The following PPP6C variants were observed in gnomAD, a reference collection of about 807,000 sequenced individuals.
PPP6C encodes the protein protein phosphatase 6 catalytic subunit, also known as serine/threonine-protein phosphatase 6 catalytic subunit.
A neutral mutation model predicts 39.8 loss-of-function variants in PPP6C; 11 were observed. The observed-to-expected ratio is 0.28, with a 90% CI of 0.17 to 0.46. The LOEUF (loss-of-function observed/expected upper bound fraction) is 0.46. PPP6C is among the 20% of genes least tolerant of loss of function. The probability of loss-of-function intolerance (pLI) is 1.00; values close to 1 mark genes in which losing one functional copy is unlikely to be tolerated. For missense variants in PPP6C, 211 were observed against 373.9 expected, an observed-to-expected ratio of 0.56 and a Z score of 3.59; for synonymous variants, 129 against 130.3, an observed-to-expected ratio of 0.99 and a Z score of 0.07.
chr9:125,189,498 A>T (rs1275235610), intron 1 of PPP6C, 146 bp downstream of exon 1: 1 of 1,456,044 alleles, frequency 6.9e-7, no homozygotes, highest in Non-Finnish European at 9.1e-7. Context: ...CCTCGGCGTG[A>T]CGCCGGGTAG....
intron 2 of PPP6C, among the ~76,000 whole-genome samples, chr9:125,168,601 G>A (rs1040107352): frequency 1.3e-5 from 2 of 152,052 alleles, no homozygotes; most frequent in African/African-American, 4.8e-5. Flanking sequence ...TGGGATTACA[G>A]GCGCCTGTCA....
rs1292745425 is a variant in PPP6C, at chr9:125,189,430, C to T, written c.75+214G>A. The stretch of plus-strand genomic sequence containing the variant: ...GACCCTGGGACAGAGGCCGCGACAT[C>T]CCTCGGGATCCCCACTGAGGCAACC... On this transcript the variant is annotated intron_variant, in intron 1 of 6. Transcript: ENST00000373547. 3.8e-6 allele frequency: 5 copies of T among 1,315,486 alleles called. No individual in the cohort carries two copies. The East Asian group carries it at 1.4e-4, about 36-fold the overall frequency. The allele number at this position is 1,315,486 out of a possible 1,614,324, so 81.5% of individuals were successfully genotyped here.
chr9:125,179,655 C>CTTTTT (rs56221170), intron 1 of PPP6C, among the ~76,000 whole-genome samples: 2 of 132,440 alleles, frequency 1.5e-5, no homozygotes, highest in South Asian at 2.4e-4. Context: ...TTCTCTCTCT[C>CTTTTT]TTTTTTTTTT....
chr9:125,186,433 A>G (rs999498592), intron 1 of PPP6C, among the ~76,000 whole-genome samples: 1 of 152,054 alleles, frequency 6.6e-6, no homozygotes, highest in African/African-American at 2.4e-5. Flanking sequence ...CCCAAAACAT[A>G]TATTTTTAAG....
At chr9:125,156,748 T>C (rs946121941) in intron 4 of PPP6C, among the ~76,000 whole-genome samples, 1 of 130,874 alleles carries the variant, frequency 7.6e-6, no homozygotes, top group Non-Finnish European at 1.6e-5. Context: ...AAGCTCGCTC[T>C]CTCTCTCTCT....
chr9:125,189,698 G>A lies in PPP6C; in HGVS notation c.21C>T (p.Asp7=). The change falls in exon 1 of 7, where the codon GAC becomes GAT. Residue 7 remains aspartate (D), a synonymous_variant. Transcript: ENST00000373547. MAPLDL[D]KYVEIARLCK... ...ACAGCCGCGCTATTTCCACATACTT[G>A]TCCAGGTCTAGCGGCGCCATTTTAA... 1 of 1,609,010 alleles carries A rather than the reference G, an allele frequency of 6.2e-7. No individual in the cohort carries two copies. The highest frequency in any genetic ancestry group is 8.5e-7 in the Non-Finnish European group (1 of 1,178,058).
Position 125,171,106 on chromosome 9 carries a change from C to T in PPP6C, c.150G>A (p.Val50=). The change falls in exon 2 of 7, where the codon GTG becomes GTA. Residue 50 remains valine (V), a synonymous_variant. Coordinates refer to ENST00000373547, the MANE Select transcript of PPP6C (RefSeq NM_002721.5). ...TTACCTGTCCATGGATATCTCCACA[C>T]ACTGTTACTGGTGTTGATACTGGCT... ...NVQPVSTPVT[V]CGDIHGQFYD... is the part of the protein sequence containing the mutation. 6.3e-7 allele frequency: 1 copy of T among 1,596,794 alleles called. No individual in the cohort carries two copies. The highest frequency in any genetic ancestry group is 8.6e-7 in the Non-Finnish European group (1 of 1,168,172).
At chr9:125,167,379 C>CAAAAAA (rs758123351) in intron 2 of PPP6C, among the ~76,000 whole-genome samples, 26 of 56,050 alleles carry the variant, frequency 4.6e-4, no homozygotes, top group African/African-American at 1.1e-3. Flanking sequence ...AGACCCTGTC[C>CAAAAAA]AAAAAAAAAA....
At chr9:125,173,562 G>T (rs553171759) in intron 1 of PPP6C, among the ~76,000 whole-genome samples, 5 of 151,468 alleles carry the variant, frequency 3.3e-5, no homozygotes, top group African/African-American at 4.9e-5. Context: ...TGGGAAACAG[G>T]GTGAGACTCT....
chr9:125,177,235 G>A (rs534478088), intron 1 of PPP6C, among the ~76,000 whole-genome samples: 1 of 152,096 alleles, frequency 6.6e-6, no homozygotes, highest in African/African-American at 2.4e-5. Context: ...TTAGCCGGGC[G>A]TGGTGGCGGG....
chr9:125,188,282 G>A (rs1002455081), intron 1 of PPP6C, among the ~76,000 whole-genome samples: 1 of 152,122 alleles, frequency 6.6e-6, no homozygotes, highest in African/African-American at 2.4e-5. Flanking sequence ...CTACTCGGGA[G>A]ACTGAGGCAG....
chr9:125,170,520 A>G (rs1448468512), intron 2 of PPP6C, among the ~76,000 whole-genome samples: 1 of 152,140 alleles, frequency 6.6e-6, no homozygotes, highest in African/African-American at 2.4e-5. Flanking sequence ...TACAGGTGTG[A>G]GCCACCACGC....
At chr9:125,165,779 T>C (rs1828998783) in intron 2 of PPP6C, among the ~76,000 whole-genome samples, 1 of 148,024 alleles carries the variant, frequency 6.8e-6, no homozygotes, top group Non-Finnish European at 1.5e-5. Flanking sequence ...TCTGAAACCA[T>C]AACAGTAATC....
intron 1 of PPP6C, among the ~76,000 whole-genome samples, chr9:125,187,356 GCAAGCAATTCTCCCGGGTT>G (rs1452658967): frequency 6.6e-6 from 1 of 151,262 alleles, no homozygotes; most frequent in Non-Finnish European, 1.5e-5. Flanking sequence ...CCGGCTCACT[GCAAGCAATTCTCCCGGGTT>G]CAAGCCATTC....
At chr9:125,178,149 A>G (rs1829343678) in intron 1 of PPP6C, among the ~76,000 whole-genome samples, 1 of 152,186 alleles carries the variant, frequency 6.6e-6, no homozygotes, top group African/African-American at 2.4e-5. Flanking sequence ...TAAGTTTACA[A>G]CTCATTTGGG....
At chr9:125,188,826 AG>A (rs1829592007) in intron 1 of PPP6C, 2 of 401,436 alleles carry the variant, frequency 5.0e-6, no homozygotes, top group African/African-American at 2.9e-5. Context: ...ATAATTAAAA[AG>A]TTTTAAAAAA....
intron 4 of PPP6C, among the ~76,000 whole-genome samples, chr9:125,157,115 G>A (rs998932360): frequency 1.3e-5 from 2 of 149,744 alleles, no homozygotes; most frequent in Non-Finnish European, 3.0e-5. Context: ...GTCTCCTAAC[G>A]CTATCCCTCC....
chr9:125,182,830 A>C (rs1377082695), intron 1 of PPP6C, among the ~76,000 whole-genome samples: 1 of 150,914 alleles, frequency 6.6e-6, no homozygotes. Flanking sequence ...ACTGCCAAAA[A>C]TTCTTTGGGG....
At chr9:125,167,424 GTGACTCAC>G (rs1245630933) in intron 2 of PPP6C, among the ~76,000 whole-genome samples, 1 of 146,944 alleles carries the variant, frequency 6.8e-6, no homozygotes, top group Non-Finnish European at 1.5e-5. Flanking sequence ...GCCGGGCATG[GTGACTCAC>G]GCCTGTAATC....
Sources: allele counts gnomAD v4.1 joint callset (sites outside exome capture counted in the v4.1 genomes callset), GRCh38; gene constraint gnomAD v4.1.1; transcripts MANE v1.5; gene names NCBI Gene and HGNC (gene_info 2026-07-23, HGNC 2026-07-21).